FHIP1A: variants seen among roughly 807,000 people sequenced by gnomAD.
The protein encoded by FHIP1A is FHF complex subunit HOOK interacting protein 1A.
Under a neutral mutation model 88.6 loss-of-function variants are expected in FHIP1A, and 61 were observed. The observed-to-expected ratio is 0.69, with a 90% CI of 0.56 to 0.85. The LOEUF is 0.85. Among genes scored for constraint, FHIP1A ranks in the 40% least tolerant of loss-of-function variants. The pLI is 0.00. For synonymous variants in FHIP1A, 478 were observed against 496.0 expected (o/e 0.96, Z 0.48); for missense variants, 1,154 against 1,273.5 (o/e 0.91, Z 1.43).
chr4:151,454,248 C>T (rs1728893569), intron 1 of FHIP1A, among the ~76,000 whole-genome samples: 1 of 152,076 alleles, frequency 6.6e-6, no homozygotes, highest in African/African-American at 2.4e-5. Flanking sequence ...CATTCATATA[C>T]CTATTGATTT....
chr4:151,649,873 T>G lies in FHIP1A; in HGVS notation c.1832T>G (p.Ile611Ser). The part of the protein sequence containing the change: ...DLEVSGPPAP[I>S]DPPKHIQEMK... ...GAGGTTTCAGGCCCCCCAGCACCCA[T>G]TGATCCCCCCAAACACATCCAGGAG... The change falls in exon 11 of 14, where the codon ATT becomes AGT. Residue 611 changes from isoleucine (I) to serine (S), a missense_variant. Transcript: ENST00000435205. The G allele has an allele frequency of 1.3e-6, 2 of 1,551,062 alleles. No individual in the cohort carries two copies. The highest frequency in any genetic ancestry group is 2.4e-5 in the South Asian group (2 of 83,980).
intron 11 of FHIP1A, among the ~76,000 whole-genome samples, chr4:151,654,934 TC>T (rs1737172328): frequency 6.6e-6 from 1 of 152,160 alleles, no homozygotes; most frequent in Non-Finnish European, 1.5e-5. Flanking sequence ...CTTAGAGACA[TC>T]CTTAGTGTTC....
intron 3 of FHIP1A, among the ~76,000 whole-genome samples, chr4:151,538,205 C>T (rs1202677991): frequency 6.6e-6 from 1 of 152,152 alleles, no homozygotes; most frequent in Non-Finnish European, 1.5e-5. Context: ...GGCTCTTCCC[C>T]TTACTAGTTG....
At chr4:151,547,894 A>T (rs937020273) in intron 3 of FHIP1A, among the ~76,000 whole-genome samples, 1 of 151,938 alleles carries the variant, frequency 6.6e-6, no homozygotes, top group Non-Finnish European at 1.5e-5. Flanking sequence ...AGCCTGGGCC[A>T]CAGAGTGAGA....
At chr4:151,457,437 A>G (rs1365401085) in intron 2 of FHIP1A, among the ~76,000 whole-genome samples, 2 of 152,130 alleles carry the variant, frequency 1.3e-5, no homozygotes, top group Non-Finnish European at 2.9e-5. Context: ...AAATTATTCT[A>G]TTTGGTCTAT....
rs1257232737 is a variant in FHIP1A at position 151,650,262 on chromosome 4, C to G, written c.2221C>G (p.Leu741Val). The change falls in exon 11 of 14, where the codon CTG (leucine) becomes GTG (valine). Residue 741 changes from leucine (L) to valine (V), a missense_variant. Physicochemically the swap from Leu to Val is conservative, Grantham distance 32. Coordinates refer to ENST00000435205, the MANE Select transcript of FHIP1A (RefSeq NM_001109977.3). ...CCCTGAGGCAGAGCACAGCTCTAAC[C>G]TGACAGCCGCCCACCCGGAGAGCGA... ...PAPEAEHSSN[L>V]TAAHPESEEL... The G allele has an allele frequency of 6.4e-7, 1 of 1,551,742 alleles. No homozygotes were observed.
Position 151,577,728 on chromosome 4 carries a change from G to C in FHIP1A, c.384G>C (p.Gln128His). The C allele has an allele frequency of 6.4e-7, 1 of 1,551,738 alleles. No individual in the cohort carries two copies. The highest frequency in any genetic ancestry group is 1.2e-5 in the South Asian group (1 of 84,050). Residue 128 changes from glutamine to histidine, a missense_variant, in exon 5 of 14, where the codon CAG becomes CAC. Physicochemically the swap from Gln to His is conservative, Grantham distance 24. Coordinates refer to ENST00000435205, the MANE Select transcript of FHIP1A (RefSeq NM_001109977.3). ...QLKMYEMLVT[Q>H]SHQPLLHHKP... ...AGATGTATGAGATGTTGGTCACCCA[G>C]TCGCACCAGCCTCTGCTGCACCACA... is the stretch of plus-strand genomic sequence containing the variant.
chr4:151,452,953 C>T (rs202015724), intron 1 of FHIP1A, among the ~76,000 whole-genome samples: 1,039 of 95,680 alleles, frequency 0.011, 8 homozygotes, highest in Middle Eastern at 0.036. Flanking sequence ...TATATATATA[C>T]ATACACACAC....
intron 7 of FHIP1A, among the ~76,000 whole-genome samples, chr4:151,619,914 C>T (rs1380528002): frequency 6.6e-6 from 1 of 152,160 alleles, no homozygotes; most frequent in Non-Finnish European, 1.5e-5. Context: ...GTTCTATTTA[C>T]AACTCACTAG....
At chr4:151,505,728 C>T (rs1005239435) in intron 3 of FHIP1A, among the ~76,000 whole-genome samples, 1 of 152,056 alleles carries the variant, frequency 6.6e-6, no homozygotes, top group Non-Finnish European at 1.5e-5. Flanking sequence ...TGTAGTCCCA[C>T]CTACTCAGGA....
chr4:151,409,649 C>G (rs1322869471), intron 1 of FHIP1A, among the ~76,000 whole-genome samples, 184 bp downstream of exon 1: 1 of 151,916 alleles, frequency 6.6e-6, no homozygotes, highest in Admixed American at 6.6e-5. Flanking sequence ...AACGAGGTCG[C>G]TGCGTCGGGC....
At position 151,629,724 on chromosome 4, in the gene FHIP1A, C is replaced by A; in HGVS notation, c.1001C>A (p.Thr334Asn). The A allele has an allele frequency of 6.4e-7, 1 of 1,551,226 alleles. No homozygotes were observed. The highest frequency in any genetic ancestry group is 8.7e-7 in the Non-Finnish European group (1 of 1,146,686). ...LHKVTVEEVM[T>N]TTAYLDLFLR... ...TAGGTGACTGTGGAAGAGGTCATGA[C>A]CACAACTGCATATCTGGACCTTTTC... Residue 334 changes from threonine (T) to asparagine (N), a missense_variant, in exon 8 of 14, where the codon ACC becomes AAC. Physicochemically the swap from Thr to Asn is moderately conservative, Grantham distance 65. Coordinates refer to ENST00000435205, the MANE Select transcript of FHIP1A (RefSeq NM_001109977.3).
At chr4:151,631,125 A>C (rs531865963) in intron 8 of FHIP1A, among the ~76,000 whole-genome samples, 1 of 152,176 alleles carries the variant, frequency 6.6e-6, no homozygotes, top group East Asian at 1.9e-4. Context: ...CAAAGCAGGC[A>C]GAAAGAAAAC....
In FHIP1A at chr4:151,620,691, G is replaced by A. The variant is rs1735706176; in HGVS notation, c.979-9011G>A. On this transcript the variant is annotated intron_variant, in intron 7 of 13. Transcript: ENST00000435205. ...CTCCATTACTTCTCTTCCATTGTAG[G>A]AAAGGAAATTAGCATTATAAATTAA... 4.0e-5 allele frequency among the ~76,000 whole-genome samples: 6 copies of A among 151,884 alleles called. No homozygotes were observed. The South Asian group carries it at 1.2e-3, about 32-fold the overall frequency.
At chr4:151,465,611 G>A (rs1729282179) in intron 2 of FHIP1A, among the ~76,000 whole-genome samples, 1 of 152,194 alleles carries the variant, frequency 6.6e-6, no homozygotes, top group African/African-American at 2.4e-5. Context: ...CAATATCCAT[G>A]CGAAAATCCT....
intron 2 of FHIP1A, among the ~76,000 whole-genome samples, chr4:151,475,345 A>G (rs1426589165): frequency 6.6e-6 from 1 of 152,192 alleles, no homozygotes; most frequent in Non-Finnish European, 1.5e-5. Flanking sequence ...GTGAATATAT[A>G]TGAGATGATG....
chr4:151,563,319 T>C (rs1426588803), intron 3 of FHIP1A, among the ~76,000 whole-genome samples: 1 of 152,150 alleles, frequency 6.6e-6, no homozygotes, highest in Non-Finnish European at 1.5e-5. Context: ...AGTGTTTTTT[T>C]TGTGTTGGTG....
intron 3 of FHIP1A, among the ~76,000 whole-genome samples, chr4:151,531,069 T>C (rs962390139): frequency 6.6e-6 from 1 of 151,960 alleles, no homozygotes; most frequent in Admixed American, 6.6e-5. Context: ...CACCCTAGAG[T>C]TTGAAGTATT....
chr4:151,460,978 T>C (rs774578045), intron 2 of FHIP1A, among the ~76,000 whole-genome samples: 2 of 152,194 alleles, frequency 1.3e-5, no homozygotes, highest in Non-Finnish European at 2.9e-5. Flanking sequence ...CTTTTGTGCC[T>C]TTTTGCATTT....
Sources: gnomAD v4.1 joint callset for allele counts (sites outside exome capture counted in the v4.1 genomes callset) on GRCh38, gnomAD v4.1.1 for gene constraint, MANE v1.5 for transcripts, NCBI Gene and HGNC (gene_info 2026-07-23, HGNC 2026-07-21) for gene names.